The following MTUS2 variants were observed in gnomAD, a reference collection of about 807,000 sequenced individuals.
MTUS2 encodes microtubule-associated tumor suppressor candidate 2.
A neutral mutation model predicts 114.1 loss-of-function variants in MTUS2; 40 were observed. The ratio of observed to expected loss-of-function variants is 0.35; its 90% CI spans 0.27 to 0.46. The LOEUF is 0.46. Among genes scored for constraint, MTUS2 ranks in the 20% least tolerant of loss-of-function variants. The pLI, the probability that MTUS2 is intolerant of heterozygous loss-of-function variation, is 1.00. For missense variants in MTUS2, 1,679 were observed against 1,705.4 expected, an observed-to-expected ratio of 0.98 and a Z score of 0.27; for synonymous variants, 688 against 672.0, an observed-to-expected ratio of 1.02 and a Z score of -0.37.
intron 2 of MTUS2, among the ~76,000 whole-genome samples, chr13:28,874,312 T>G (rs1877803819): frequency 6.6e-6 from 1 of 152,210 alleles, no homozygotes; most frequent in Non-Finnish European, 1.5e-5. Context: ...TTAATTTCAT[T>G]TTTAGCCATC....
At chr13:28,867,534 T>G (rs1877372987) in intron 2 of MTUS2, among the ~76,000 whole-genome samples, 1 of 152,234 alleles carries the variant, frequency 6.6e-6, no homozygotes. Flanking sequence ...CAGCTTGTAT[T>G]GCTTAAAACA....
intron 2 of MTUS2, among the ~76,000 whole-genome samples, chr13:28,991,609 C>G (rs1471481276): frequency 1.3e-5 from 2 of 152,194 alleles, no homozygotes; most frequent in African/African-American, 4.8e-5. Flanking sequence ...ACCTCATGAT[C>G]TGCCTGTCTC....
chr13:28,851,979 T>A (rs1237708800), intron 2 of MTUS2, among the ~76,000 whole-genome samples: 1 of 152,204 alleles, frequency 6.6e-6, no homozygotes, highest in African/African-American at 2.4e-5. Context: ...TCACACTTGC[T>A]TTCCATCACA....
rs1337995896 is a variant in MTUS2, at chr13:28,964,762, G to C, written c.-242-59695G>C. Among the ~76,000 whole-genome samples the C allele has an allele frequency of 9.1e-5, 6 of 66,018 alleles. 1 individual carries two copies. In the South Asian group the frequency reaches 2.8e-3, roughly 31 times the overall value. The allele number at this position is 66,018 out of a possible 152,430, so 43.3% of individuals were successfully genotyped here. A position where few individuals can be genotyped will look rare whatever the true frequency, so the allele number is the denominator to read the frequency against. ...AGCTTTTTTGTGTTTTTAATGCCTGGGTCTTGGGTTAGAAGAACCCTAATG... is the reference window on the plus strand; with the variant it reads ...AGCTTTTTTGTGTTTTTAATGCCTGCGTCTTGGGTTAGAAGAACCCTAATG... On this transcript the variant is annotated intron_variant, in intron 2 of 15. Coordinates refer to ENST00000612955, the MANE Select transcript of MTUS2 (RefSeq NM_001033602.4).
chr13:29,484,448 G>T (rs1881441157), intron 10 of MTUS2, among the ~76,000 whole-genome samples: 1 of 152,220 alleles, frequency 6.6e-6, no homozygotes, highest in Middle Eastern at 3.2e-3. Context: ...CCGGGAGGAG[G>T]CGGTGCAGTG....
chr13:29,064,556 A>T (rs898621877), intron 4 of MTUS2, among the ~76,000 whole-genome samples: 2 of 152,156 alleles, frequency 1.3e-5, no homozygotes, highest in African/African-American at 2.4e-5. Flanking sequence ...AGCACAAGAT[A>T]ATAATGTTTT....
intron 8 of MTUS2, among the ~76,000 whole-genome samples, chr13:29,417,760 A>G (rs2138578848): frequency 6.6e-6 from 1 of 152,326 alleles, no homozygotes; most frequent in South Asian, 2.1e-4. Context: ...TAGTACATTT[A>G]ACTCATTTTG....
intron 5 of MTUS2, among the ~76,000 whole-genome samples, chr13:29,245,719 C>T (rs1193750994): frequency 1.4e-4 from 17 of 118,984 alleles, no homozygotes; most frequent in South Asian, 8.0e-4. Flanking sequence ...TTTTTTGAGA[C>T]GGAGTCTCGC....
intron 2 of MTUS2, among the ~76,000 whole-genome samples, chr13:28,865,627 A>G (rs1393230523): frequency 1.3e-5 from 2 of 152,154 alleles, no homozygotes; most frequent in Non-Finnish European, 2.9e-5. Flanking sequence ...AGAAAATACA[A>G]CTTGTCCTGT....
intron 5 of MTUS2, among the ~76,000 whole-genome samples, chr13:29,107,370 T>C (rs571155371): frequency 2.0e-5 from 3 of 152,146 alleles, no homozygotes; most frequent in East Asian, 1.9e-4. Context: ...TATCTCCCAA[T>C]AGAAACTTTT....
At chr13:28,822,078 C>T (rs995782945) in intron 1 of MTUS2, among the ~76,000 whole-genome samples, 1 of 152,162 alleles carries the variant, frequency 6.6e-6, no homozygotes, top group Non-Finnish European at 1.5e-5. Flanking sequence ...AGATTATTTT[C>T]CATATCAAAT....
intron 2 of MTUS2, among the ~76,000 whole-genome samples, chr13:28,954,599 G>T (rs1463911531): frequency 1.3e-5 from 2 of 152,174 alleles, no homozygotes; most frequent in African/African-American, 4.8e-5. Context: ...GAGGAGGAAG[G>T]TGGTGGTGTG....
intron 2 of MTUS2, among the ~76,000 whole-genome samples, chr13:28,920,474 A>G (rs1379911222): frequency 6.6e-6 from 1 of 152,178 alleles, no homozygotes; most frequent in South Asian, 2.1e-4. Flanking sequence ...CCCCTTGGCT[A>G]CCACCACTGG....
chr13:28,825,009 G>T (rs981490854), intron 1 of MTUS2, among the ~76,000 whole-genome samples: 1 of 152,204 alleles, frequency 6.6e-6, no homozygotes, highest in African/African-American at 2.4e-5. Context: ...AGTGCAGCTG[G>T]CATTTGTGGG....
chr13:29,117,198 G>A (rs1891124791), intron 5 of MTUS2, among the ~76,000 whole-genome samples: 2 of 152,152 alleles, frequency 1.3e-5, no homozygotes, highest in African/African-American at 4.8e-5. Flanking sequence ...TTTCTTGATA[G>A]CCCCTCAGCT....
rs527687332 is a variant in MTUS2, at chr13:28,844,175, C to T, written c.-243+4325C>T. ...CCTGAGCTCACATCAGCCATTTGGT[C>T]GTGATTTCCTGGGGCAGAAGCTGGG... On this transcript the variant is annotated intron_variant, in intron 2 of 15. Coordinates refer to ENST00000612955, the MANE Select transcript of MTUS2 (RefSeq NM_001033602.4). Among the ~76,000 whole-genome samples, 171 of 152,210 alleles carry T rather than the reference C, an allele frequency of 1.1e-3. 1 individual carries two copies. The highest frequency in any genetic ancestry group is 3.9e-3 in the African/African-American group (164 of 41,528).
At chr13:29,387,524 C>G (rs1345054615) in intron 8 of MTUS2, among the ~76,000 whole-genome samples, 1 of 152,100 alleles carries the variant, frequency 6.6e-6, no homozygotes, top group Non-Finnish European at 1.5e-5. Context: ...AGGTCATGAG[C>G]CCCTGAAGAT....
chr13:29,193,219 T>G (rs188755130), intron 5 of MTUS2, among the ~76,000 whole-genome samples: 52 of 152,246 alleles, frequency 3.4e-4, no homozygotes, highest in African/African-American at 1.2e-3. Flanking sequence ...TCTTGTTTTC[T>G]TATACAGTGA....
At chr13:29,430,846 A>T (rs1025175068) in intron 8 of MTUS2, among the ~76,000 whole-genome samples, 10 of 152,194 alleles carry the variant, frequency 6.6e-5, no homozygotes, top group African/African-American at 2.4e-4. Flanking sequence ...AGAATTCCCA[A>T]ATCCCACAAC....
Sources: allele counts gnomAD v4.1 joint callset (sites outside exome capture counted in the v4.1 genomes callset), GRCh38; gene constraint gnomAD v4.1.1; transcripts MANE v1.5; gene names NCBI Gene and HGNC (gene_info 2026-07-23, HGNC 2026-07-21).